TSPAN9: variants seen among roughly 807,000 people sequenced by gnomAD.
TSPAN9 encodes tetraspanin 9, also known as tetraspanin-9.
Under a neutral mutation model 31.0 loss-of-function variants are expected in TSPAN9, and 16 were observed. That is an observed-to-expected ratio of 0.52 (90% CI 0.35 to 0.78). The LOEUF (loss-of-function observed/expected upper bound fraction) is 0.78. TSPAN9 is among the 30% of genes least tolerant of loss of function. The probability of loss-of-function intolerance (pLI) is 0.01; values close to 1 mark genes in which losing one functional copy is unlikely to be tolerated. For missense variants in TSPAN9, 272 were observed against 312.5 expected (o/e 0.87, Z 0.98); for synonymous variants, 145 against 121.6 (o/e 1.19, Z -1.27).
At chr12:3,121,622 C>G (rs1050594465) in intron 2 of TSPAN9, among the ~76,000 whole-genome samples, 5 of 144,482 alleles carry the variant, frequency 3.5e-5, no homozygotes, top group African/African-American at 1.3e-4. Flanking sequence ...AAGTGATCCT[C>G]CTGCCTTGGC....
At chr12:3,186,576 GTA>G (rs1555149382) in intron 2 of TSPAN9, among the ~76,000 whole-genome samples, 2 of 146,254 alleles carry the variant, frequency 1.4e-5, no homozygotes, top group African/African-American at 5.0e-5. Context: ...GTGTGTGTGT[GTA>G]TACACACAAG....
intron 2 of TSPAN9, among the ~76,000 whole-genome samples, chr12:3,185,192 T>C (rs2098360557): frequency 6.6e-6 from 1 of 152,104 alleles, no homozygotes; most frequent in South Asian, 2.1e-4. Flanking sequence ...CTGTGCACAG[T>C]CACTGAGGGG....
chr12:3,248,438 A>G (rs931512599), intron 3 of TSPAN9, among the ~76,000 whole-genome samples: 71 of 152,106 alleles, frequency 4.7e-4, no homozygotes, highest in Non-Finnish European at 6.0e-4. Flanking sequence ...CCCTGGACTT[A>G]ATGTTCCTGA....
At chr12:3,125,228 T>A (rs898701153) in intron 2 of TSPAN9, among the ~76,000 whole-genome samples, 4 of 152,124 alleles carry the variant, frequency 2.6e-5, no homozygotes, top group African/African-American at 7.2e-5. Context: ...TTTTTTTATG[T>A]TATGTACTTG....
chr12:3,168,907 CAGAA>C lies in TSPAN9; in HGVS notation c.-17-32269_-17-32266del, dbSNP rs2098350150. Among the ~76,000 whole-genome samples, 1 of 152,196 alleles carries C rather than the reference CAGAA, an allele frequency of 6.6e-6. No individual in the cohort carries two copies. The highest frequency in any genetic ancestry group is 1.5e-5 in the Non-Finnish European group (1 of 68,038). On this transcript the variant is annotated intron_variant, in intron 2 of 8. Transcript: ENST00000011898. This position sits in a 1 kb window ranked among gnomAD's most constrained non-coding sequence, Gnocchi z 4.0. ...GATGAGCTCAGGTTTGGACGTGACT[CAGAA>C]GGAAGGTAGTGGGGAAATACAAGGT...
intron 2 of TSPAN9, among the ~76,000 whole-genome samples, chr12:3,094,537 TG>T (rs1220940111): frequency 4.3e-4 from 60 of 139,828 alleles, no homozygotes; most frequent in African/African-American, 8.7e-4. Flanking sequence ...TTGTTGTTGT[TG>T]TTTTTTTTTT....
chr12:3,102,066 T>G (rs1277953840), intron 2 of TSPAN9, among the ~76,000 whole-genome samples: 1 of 152,160 alleles, frequency 6.6e-6, no homozygotes, highest in Non-Finnish European at 1.5e-5. Context: ...TTAGTAGTGG[T>G]GCTGGCAGAA....
intron 8 of TSPAN9, 130 bp from the exon 9 acceptor site, chr12:3,282,915 C>A: frequency 2.5e-6 from 2 of 804,372 alleles, no homozygotes; most frequent in Non-Finnish European, 2.0e-6. Context: ...ATTCCATAAG[C>A]ATTTTCCTGG....
At chr12:3,173,784 G>T (rs2098353466) in intron 2 of TSPAN9, 1 of 152,150 alleles carries the variant, frequency 6.6e-6, no homozygotes, top group Non-Finnish European at 1.5e-5. Context: ...GTTAGCCACT[G>T]TGCCTGGCTC....
At chr12:3,126,461 G>A (rs1261947564) in intron 2 of TSPAN9, among the ~76,000 whole-genome samples, 2 of 152,196 alleles carry the variant, frequency 1.3e-5, no homozygotes, top group Non-Finnish European at 2.9e-5. Context: ...TCTATACGCT[G>A]GAGCTGCCAG....
intron 2 of TSPAN9, among the ~76,000 whole-genome samples, chr12:3,084,391 T>A (rs1289075335): frequency 6.6e-6 from 1 of 152,222 alleles, no homozygotes; most frequent in Non-Finnish European, 1.5e-5. Flanking sequence ...CTCCTGCGGC[T>A]TCTCCCTGCT....
intron 3 of TSPAN9, among the ~76,000 whole-genome samples, chr12:3,210,168 T>G (rs977322340): frequency 9.2e-5 from 14 of 151,500 alleles, no homozygotes; most frequent in South Asian, 8.3e-4. Flanking sequence ...TTTCTAAGCA[T>G]GAAGCAGTTC....
Position 3,283,322 on chromosome 12 carries a change from G to A in TSPAN9, c.*206G>A, listed in dbSNP as rs1424620198. ...GGAGGCACACGGAGACCTGGGGCTC[G>A]GGGCCCCTGGATTCCTGCATCTGCA... On this transcript the variant is annotated 3_prime_UTR_variant, in exon 9 of 9. Transcript: ENST00000011898. 1.1e-5 allele frequency: 6 copies of A among 552,112 alleles called. No homozygotes were observed. Among genetic ancestry groups the A allele is most frequent in the East Asian group, 3.2e-5 (1 of 31,424 alleles). The allele number at this position is 552,112 out of a possible 1,614,324, so 34.2% of individuals were successfully genotyped here. A position where few individuals can be genotyped will look rare whatever the true frequency, so the allele number is the denominator to read the frequency against.
chr12:3,218,727 C>T (rs996875374), intron 3 of TSPAN9, among the ~76,000 whole-genome samples: 20 of 152,208 alleles, frequency 1.3e-4, no homozygotes, highest in African/African-American at 2.7e-4. Context: ...TGCCTCGGGC[C>T]GCCTCCCTTC....
At position 3,220,633 on chromosome 12, in the gene TSPAN9, C is replaced by A. The variant is rs543853461; in HGVS notation, c.63+19377C>A. ...CGATGTTGATATGTTTTCCTGGGACCCACTGGAGGACCCAAGCCCGGAGGC... is the reference window on the plus strand; with the variant it reads ...CGATGTTGATATGTTTTCCTGGGACACACTGGAGGACCCAAGCCCGGAGGC... On this transcript the variant is annotated intron_variant, in intron 3 of 8. Transcript: ENST00000011898. Among the ~76,000 whole-genome samples the A allele has an allele frequency of 1.1e-4, 17 of 152,332 alleles. No homozygotes were observed. The South Asian group carries it at 2.7e-3, about 24-fold the overall frequency.
rs919853933 is a variant in TSPAN9 at position 3,107,167 on chromosome 12, C to T, written c.-18+23448C>T. Among the ~76,000 whole-genome samples the T allele has an allele frequency of 2.0e-5, 3 of 152,284 alleles. No homozygotes were observed. The highest frequency in any genetic ancestry group is 2.1e-4 in the South Asian group (1 of 4,824). ...TGTGGAAATCCAATTAGACTTGAGC[C>T]GCCGGCGGCCCCCTCCGTGGGGAGT... is the stretch of plus-strand genomic sequence containing the variant. On this transcript the variant is annotated intron_variant, in intron 2 of 8. Coordinates refer to ENST00000011898, the MANE Select transcript of TSPAN9 (RefSeq NM_006675.5). The surrounding 1 kb of genome is among the most constrained non-coding windows in gnomAD (Gnocchi z 4.1).
intron 2 of TSPAN9, among the ~76,000 whole-genome samples, chr12:3,177,063 C>A (rs1488969827): frequency 6.6e-6 from 1 of 152,024 alleles, no homozygotes; most frequent in South Asian, 2.1e-4. Context: ...CCAGGAGATG[C>A]GCCACACTCT....
intron 2 of TSPAN9, among the ~76,000 whole-genome samples, chr12:3,086,088 G>A (rs1248953596): frequency 6.6e-6 from 1 of 152,240 alleles, no homozygotes; most frequent in Non-Finnish European, 1.5e-5. Flanking sequence ...AGCCCTGCAT[G>A]TTAATCATTT....
intron 3 of TSPAN9, among the ~76,000 whole-genome samples, chr12:3,219,559 G>A (rs910140675): frequency 6.6e-6 from 1 of 152,140 alleles, no homozygotes; most frequent in South Asian, 2.1e-4. Context: ...CTCAAATGGA[G>A]ATCCTTTGAA....
Sources: allele counts gnomAD v4.1 joint callset (sites outside exome capture counted in the v4.1 genomes callset), GRCh38; gene constraint gnomAD v4.1.1; non-coding constraint Gnocchi (gnomAD v3.1); transcripts MANE v1.5; gene names NCBI Gene and HGNC (gene_info 2026-07-23, HGNC 2026-07-21).